The following EIF5A variants were observed in gnomAD, a reference collection of about 807,000 sequenced individuals.
EIF5A encodes the protein eukaryotic translation initiation factor 5A-1.
A neutral mutation model predicts 16.6 loss-of-function variants in EIF5A; 1 was observed. The observed-to-expected ratio is 0.06, with a 90% confidence interval of 0.02 to 0.28. The LOEUF (loss-of-function observed/expected upper bound fraction) is 0.28. EIF5A is among the 10% of genes least tolerant of loss of function. The pLI is 1.00. For missense variants in EIF5A, 29 were observed against 196.1 expected (o/e 0.15, Z 5.09); for synonymous variants, 80 against 73.6 (o/e 1.09, Z -0.44).
At chr17:7,309,884 ACTTTC>A (rs2072761640) in intron 2 of EIF5A, 84 bp downstream of exon 2, 3 of 1,613,322 alleles carry the variant, frequency 1.9e-6, no homozygotes, top group African/African-American at 1.3e-5. Context: ...AACAGTGCTG[ACTTTC>A]CTTTAACTCT....
upstream of EIF5A, chr17:7,307,133 A>C (rs1300982989): frequency 1.3e-6 from 2 of 1,582,272 alleles, no homozygotes; most frequent in Admixed American, 1.8e-5. Context: ...GTTTAAGTCC[A>C]GTTAAAGCCG....
At chr17:7,309,506 T>G in intron 1 of EIF5A, 109 bp from the exon 2 acceptor site, 1 of 1,402,716 alleles carries the variant, frequency 7.1e-7, no homozygotes, top group South Asian at 1.3e-5. Context: ...TTATTTTAGG[T>G]GGGTAATGGA....
At chr17:7,311,230 G>T (rs1158490219) in intron 3 of EIF5A, 108 bp downstream of exon 3, 26 of 1,576,244 alleles carry the variant, frequency 1.6e-5, no homozygotes, top group Non-Finnish European at 2.2e-5. Flanking sequence ...GGAGGGAAAT[G>T]GCAGGAGAGG....
chr17:7,310,599 TC>T, intron 2 of EIF5A: 1 of 1,064,556 alleles, frequency 9.4e-7, no homozygotes, highest in South Asian at 2.7e-5. Context: ...CAAGTCCTTT[TC>T]TTCAGCTCTT....
rs779500807 is a variant in EIF5A at position 7,311,277 on chromosome 17, T to C, written c.271-73T>C. 2.4e-4 allele frequency: 392 copies of C among 1,610,358 alleles called. 3 individuals are homozygous for C. Among genetic ancestry groups the C allele is most frequent in the Non-Finnish European group, 3.0e-4 (352 of 1,178,036 alleles). ...TAGTTTGCTATCAGTCCAGTTTGTC[T>C]ATCAGAGCCTTTACTGTCATGTCAG... On this transcript the variant is annotated intron_variant, in intron 3 of 5. Coordinates refer to ENST00000336458, the MANE Select transcript of EIF5A (RefSeq NM_001970.5).
chr17:7,310,057 C>T lies in EIF5A; in HGVS notation c.165+257C>T, dbSNP rs576494399. ...CGTTTCTCCAGCTTTGTGCCAATCT[C>T]TTCAATTCATAGGCCTTTATGCTCT... On this transcript the variant is annotated intron_variant, in intron 2 of 5. Coordinates refer to ENST00000336458, the MANE Select transcript of EIF5A (RefSeq NM_001970.5). The T allele has an allele frequency of 1.6e-5, 24 of 1,470,900 alleles. No homozygotes were observed. The East Asian group carries it at 4.0e-4, about 25-fold the overall frequency. The allele number at this position is 1,470,900 out of a possible 1,614,324, so 91.1% of individuals were successfully genotyped here.
chr17:7,310,985 G>T, intron 2 of EIF5A, 33 bp from the exon 3 acceptor site: 3 of 1,593,174 alleles, frequency 1.9e-6, no homozygotes, highest in Non-Finnish European at 2.6e-6. Context: ...TTTAGAGTTT[G>T]GTTGGGTTTC....
intron 5 of EIF5A, 22 bp from the exon 6 acceptor site, chr17:7,311,800 C>G: frequency 9.2e-7 from 1 of 1,092,432 alleles, no homozygotes; most frequent in Non-Finnish European, 1.3e-6. Flanking sequence ...TCCTGTCTTA[C>G]TAATTTCTCT....
chr17:7,311,007 C>G lies in EIF5A; in HGVS notation c.166-11C>G. 6.2e-7 allele frequency: 1 copy of G among 1,609,902 alleles called. No individual in the cohort carries two copies. Among genetic ancestry groups the G allele is most frequent in the Non-Finnish European group, 8.5e-7 (1 of 1,177,572 alleles). On this transcript the variant is annotated splice_polypyrimidine_tract_variant and intron_variant, in intron 2 of 5. Transcript: ENST00000336458. Reference sequence around the variant, plus strand: ...TTTGGTTGGGTTTCTCTTTGTGATGCATACATACAGGTCCATCTGGTTGGT... The same window carrying G: ...TTTGGTTGGGTTTCTCTTTGTGATGGATACATACAGGTCCATCTGGTTGGT...
chr17:7,309,461 G>A, intron 1 of EIF5A, 154 bp from the exon 2 acceptor site: 2 of 969,664 alleles, frequency 2.1e-6, no homozygotes, highest in Admixed American at 2.5e-5. Flanking sequence ...GTATATTTGA[G>A]CCCAGTCAGT....
At position 7,311,485 on chromosome 17, in the gene EIF5A, T is replaced by C. The variant is rs780331793; in HGVS notation, c.402+4T>C. 5 of 1,614,026 alleles carry C rather than the reference T, an allele frequency of 3.1e-6. No homozygotes were observed. In the African/African-American group the frequency reaches 5.3e-5, roughly 17 times the overall value. Reference sequence around the variant, plus strand: ...CGACTGTGGAGAAGAGATCCTGGTATGGTGCCTCCCTCCCTGCTTCTGTGC... The same window carrying C: ...CGACTGTGGAGAAGAGATCCTGGTACGGTGCCTCCCTCCCTGCTTCTGTGC... On this transcript the variant is annotated splice_donor_region_variant and intron_variant, in intron 4 of 5. Transcript: ENST00000336458.
upstream of EIF5A, chr17:7,307,269 G>A: frequency 8.5e-7 from 1 of 1,179,422 alleles, no homozygotes; most frequent in Non-Finnish European, 1.1e-6. Flanking sequence ...TTCCGAACAC[G>A]CATGCGTTCT....
intron 1 of EIF5A, chr17:7,308,428 C>A: frequency 7.6e-7 from 1 of 1,311,938 alleles, no homozygotes; most frequent in Non-Finnish European, 1.0e-6. Context: ...TCCGAGGGGG[C>A]CTGAGATTTT....
At chr17:7,310,794 T>C (rs570176336) in intron 2 of EIF5A, 2 of 985,434 alleles carry the variant, frequency 2.0e-6, no homozygotes, top group African/African-American at 3.5e-5. Flanking sequence ...CATGCAGTTT[T>C]CTATTGTGCT....
intron 2 of EIF5A, chr17:7,310,687 C>T (rs1411432335): frequency 1.6e-5 from 16 of 985,268 alleles, no homozygotes; most frequent in Admixed American, 6.2e-5. Context: ...TCCTGGTGTC[C>T]GGAAAACTCT....
chr17:7,307,256 G>A (rs940365801), upstream of EIF5A: 5 of 1,218,408 alleles, frequency 4.1e-6, no homozygotes, highest in Non-Finnish European at 4.4e-6. Flanking sequence ...GGGTTGTTTA[G>A]GATTCCGAAC....
rs2072665571 is a variant in EIF5A, at chr17:7,307,682, G to A, written c.-92G>A. The A allele has an allele frequency of 9.5e-7, 1 of 1,049,958 alleles. No homozygotes were observed. Among genetic ancestry groups the A allele is most frequent in the Non-Finnish European group, 1.1e-6 (1 of 871,834 alleles). The allele number at this position is 1,049,958 out of a possible 1,614,324, so 65.0% of individuals were successfully genotyped here. On this transcript the variant is annotated 5_prime_UTR_variant, in exon 1 of 6. Transcript: ENST00000336458. ...CGGCGGTAGAGGCGGCGGCGGCGGC[G>A]GCAGCGGGCTCGGAGGCAGCGGTTG... is the stretch of plus-strand genomic sequence containing the variant.
chr17:7,310,628 T>C (rs1270331742), intron 2 of EIF5A: 10 of 985,304 alleles, frequency 1.0e-5, no homozygotes, highest in Non-Finnish European at 1.2e-5. Context: ...TCTTAGTTTC[T>C]TATCCTTTCC....
upstream of EIF5A, chr17:7,307,213 C>A (rs1317280282): frequency 1.5e-6 from 2 of 1,372,012 alleles, no homozygotes; most frequent in Non-Finnish European, 2.0e-6. Context: ...GTCTTTTCAA[C>A]GCCTGGCGTA....
Sources: allele counts gnomAD v4.1 joint callset, GRCh38; gene constraint gnomAD v4.1.1; transcripts MANE v1.5; gene names NCBI Gene and HGNC (gene_info 2026-07-23, HGNC 2026-07-21).